Variants in DENND1A observed in about 807,000 individuals in gnomAD.
DENND1A encodes the protein DENN domain-containing protein 1A.
DENND1A carries 51 observed loss-of-function variants against 113.7 expected under a neutral mutation model. That is an observed-to-expected ratio of 0.45 (90% CI 0.36 to 0.57). The LOEUF (loss-of-function observed/expected upper bound fraction) is 0.57, where lower values mean the gene tolerates loss of function less well. Ranked by LOEUF, DENND1A falls within the 20% of genes least tolerant of loss-of-function variation. The pLI is 0.00. For missense variants in DENND1A, 1,258 were observed against 1,395.9 expected (o/e 0.90, Z 1.57); for synonymous variants, 565 against 570.8 (o/e 0.99, Z 0.14).
At chr9:123,706,191 C>T (rs1397055009) in intron 5 of DENND1A, among the ~76,000 whole-genome samples, 3 of 148,600 alleles carry the variant, frequency 2.0e-5, no homozygotes, top group Non-Finnish European at 4.4e-5. Context: ...TAGCCCAGGC[C>T]GGACTGCGGA....
Position 123,380,375 on chromosome 9 carries a change from G to A in DENND1A, c.*1057C>T, listed in dbSNP as rs2042216187. On this transcript the variant is annotated 3_prime_UTR_variant, in exon 24 of 24. Coordinates refer to ENST00000394215, the MANE Select transcript of DENND1A (RefSeq NM_001352964.2). The stretch of plus-strand genomic sequence containing the variant: ...ATTTCTGTGCTGGCCTGGAGCTCTG[G>A]GCAGGTGGGGAGGGACTGGCTTCTA... 6.6e-6 allele frequency: 1 copy of A among 152,566 alleles called. No homozygotes were observed. The highest frequency in any genetic ancestry group is 1.5e-5 in the Non-Finnish European group (1 of 68,048). 9.5% of individuals were successfully genotyped at this position (152,566 alleles called of 1,614,324 possible). A position where few individuals can be genotyped will look rare whatever the true frequency, so the allele number is the denominator to read the frequency against.
intron 2 of DENND1A, among the ~76,000 whole-genome samples, chr9:123,817,397 C>G (rs1247606306): frequency 6.6e-6 from 1 of 152,142 alleles, no homozygotes; most frequent in Non-Finnish European, 1.5e-5. Context: ...ACACTTTTAT[C>G]TGAACACTTA....
chr9:123,690,127 G>GGGGAAGAAGGAAAGGAGGGAGGGA (rs1554961477), intron 5 of DENND1A, among the ~76,000 whole-genome samples: 5 of 89,752 alleles, frequency 5.6e-5, no homozygotes, highest in African/African-American at 2.2e-4. Context: ...AGGAGGGAGG[G>GGGGAAGAAGGAAAGGAGGGAGGGA]GGGAAGAAGG....
chr9:123,590,520 T>C (rs1485277908), intron 11 of DENND1A, among the ~76,000 whole-genome samples: 2 of 152,310 alleles, frequency 1.3e-5, no homozygotes, highest in East Asian at 1.9e-4. Flanking sequence ...TAACCGTACC[T>C]ACCTCACAGA....
At position 123,792,608 on chromosome 9, in the gene DENND1A, G is replaced by A. The variant is rs1447411742; in HGVS notation, c.111C>T (p.Phe37=). ...GAACCTGGTCACTGTAGTCCTCCGGGAATTGCCTCTGCACCTCAGGATCTG... is the reference window on the plus strand; with the variant it reads ...GAACCTGGTCACTGTAGTCCTCCGGAAATTGCCTCTGCACCTCAGGATCTG... ...TLSDPEVQRQ[F]PEDYSDQEVL... The change falls in exon 3 of 24, where the codon TTC becomes TTT. Residue 37 remains phenylalanine (F), a synonymous_variant. Coordinates refer to ENST00000394215, the MANE Select transcript of DENND1A (RefSeq NM_001352964.2). 1.2e-6 allele frequency: 2 copies of A among 1,612,722 alleles called. No homozygotes were observed. The highest frequency in any genetic ancestry group is 1.7e-6 in the Non-Finnish European group (2 of 1,179,280).
intron 10 of DENND1A, among the ~76,000 whole-genome samples, chr9:123,621,941 A>G (rs1214340754): frequency 1.3e-5 from 2 of 152,158 alleles, no homozygotes; most frequent in African/African-American, 4.8e-5. Context: ...TATGTGATGC[A>G]CCATGTGGGG....
At chr9:123,890,974 CTTA>C (rs1003863132) in intron 1 of DENND1A, among the ~76,000 whole-genome samples, 1 of 151,842 alleles carries the variant, frequency 6.6e-6, no homozygotes, top group Non-Finnish European at 1.5e-5. Flanking sequence ...TTTAATGAAC[CTTA>C]TTATAGGCCC....
intron 1 of DENND1A, among the ~76,000 whole-genome samples, chr9:123,893,880 T>C (rs76634408): frequency 6.6e-6 from 1 of 152,162 alleles, no homozygotes; most frequent in East Asian, 1.9e-4. Context: ...TCTAGAACAG[T>C]GCTTGGCAAG....
intron 12 of DENND1A, among the ~76,000 whole-genome samples, chr9:123,562,217 C>T (rs1479988753): frequency 6.6e-6 from 1 of 152,180 alleles, no homozygotes; most frequent in African/African-American, 2.4e-5. Context: ...GCCTCACTTC[C>T]ACCTGCCCCA....
Position 123,884,711 on chromosome 9 carries a change from G to A in DENND1A, c.18-5690C>T, listed in dbSNP as rs1422481673. Among the ~76,000 whole-genome samples the A allele has an allele frequency of 2.0e-5, 3 of 151,948 alleles. No homozygotes were observed. The South Asian group carries it at 6.2e-4, about 32-fold the overall frequency. On this transcript the variant is annotated intron_variant, in intron 1 of 23. Transcript: ENST00000394215. ...CACTTCACATGCATTACCTCAATTA[G>A]TCCTCAACAACCCCACAGGTAATAC...
At chr9:123,512,903 T>C (rs1330363485) in intron 13 of DENND1A, among the ~76,000 whole-genome samples, 1 of 152,100 alleles carries the variant, frequency 6.6e-6, no homozygotes, top group Non-Finnish European at 1.5e-5. Flanking sequence ...TTAAATTAAA[T>C]GAGATGTGAG....
chr9:123,585,630 A>C (rs776396713), intron 11 of DENND1A, among the ~76,000 whole-genome samples: 1 of 152,224 alleles, frequency 6.6e-6, no homozygotes, highest in East Asian at 1.9e-4. Flanking sequence ...GAAGGTACAA[A>C]AACAGCATCA....
At chr9:123,849,161 C>G (rs903525138) in intron 2 of DENND1A, among the ~76,000 whole-genome samples, 1 of 152,136 alleles carries the variant, frequency 6.6e-6, no homozygotes, top group Non-Finnish European at 1.5e-5. Context: ...GAAGAAAATG[C>G]CATCTAGGAC....
At chr9:123,702,053 A>G (rs2065913283) in intron 5 of DENND1A, among the ~76,000 whole-genome samples, 1 of 152,238 alleles carries the variant, frequency 6.6e-6, no homozygotes, top group South Asian at 2.1e-4. Context: ...AAACAATTCA[A>G]TGAAATGAGA....
intron 5 of DENND1A, among the ~76,000 whole-genome samples, chr9:123,693,189 C>A (rs1330192417): frequency 6.6e-6 from 1 of 152,190 alleles, no homozygotes; most frequent in Non-Finnish European, 1.5e-5. Flanking sequence ...TTCCAGGACC[C>A]CTAAATGTTT....
Position 123,452,279 on chromosome 9 carries a change from C to T in DENND1A, c.1296G>A (p.Lys432=). 6.2e-7 allele frequency: 1 copy of T among 1,614,238 alleles called. No homozygotes were observed. The highest frequency in any genetic ancestry group is 8.5e-7 in the Non-Finnish European group (1 of 1,180,042). The change falls in exon 17 of 24, where the codon AAG becomes AAA. Residue 432 remains lysine, a synonymous_variant. Transcript: ENST00000394215. ...TGACAGCAAGACCAGTACTTACGAA[C>T]TTGTAGACAGTCTTCATGGCCGGAT... ...KANPAMKTVY[K]FAKDHAKMGI...
chr9:123,879,096 A>C (rs1564434318), intron 1 of DENND1A, 75 bp from the exon 2 acceptor site: 2 of 1,431,488 alleles, frequency 1.4e-6, no homozygotes, highest in Non-Finnish European at 2.0e-6. Context: ...CTATGGTATT[A>C]AACAGATCTT....
intron 13 of DENND1A, among the ~76,000 whole-genome samples, chr9:123,469,274 G>A (rs1356978025): frequency 3.3e-5 from 5 of 152,222 alleles, no homozygotes; most frequent in African/African-American, 1.2e-4. Context: ...GTCTCATCGT[G>A]AAGCCAGCTC....
chr9:123,909,377 AT>A (rs1269746199), intron 1 of DENND1A, among the ~76,000 whole-genome samples: 8 of 149,292 alleles, frequency 5.4e-5, no homozygotes, highest in South Asian at 2.1e-4. Context: ...CAATAAAAAA[AT>A]AAAATAAAAT....
Sources: gnomAD v4.1 joint callset for allele counts (sites outside exome capture counted in the v4.1 genomes callset) on GRCh38, gnomAD v4.1.1 for gene constraint, MANE v1.5 for transcripts, NCBI Gene and HGNC (gene_info 2026-07-23, HGNC 2026-07-21) for gene names.